The following PPFIA2 variants were observed in gnomAD, a reference collection of about 807,000 sequenced individuals.
PPFIA2 encodes PPFI scaffold protein A2.
A neutral mutation model predicts 175.5 loss-of-function variants in PPFIA2; 46 were observed. The ratio of observed to expected loss-of-function variants is 0.26; its 90% confidence interval spans 0.21 to 0.34. The LOEUF (loss-of-function observed/expected upper bound fraction) is 0.34, where lower values mean the gene tolerates loss of function less well. PPFIA2 is among the 10% of genes least tolerant of loss of function. PPFIA2 has a pLI of 1.00. For synonymous variants in PPFIA2, 568 were observed against 511.4 expected (o/e 1.11, Z -1.49); for missense variants, 1,179 against 1,506.1 (o/e 0.78, Z 3.60).
chr12:81,264,547 G>A (rs2036619825), intron 30 of PPFIA2, among the ~76,000 whole-genome samples: 1 of 151,996 alleles, frequency 6.6e-6, no homozygotes, highest in Admixed American at 6.6e-5. Context: ...TCTGGCATTT[G>A]GAATAATAAG....
At chr12:81,640,379 G>A (rs1013895009) in intron 4 of PPFIA2, among the ~76,000 whole-genome samples, 5 of 152,104 alleles carry the variant, frequency 3.3e-5, no homozygotes, top group African/African-American at 4.8e-5. Flanking sequence ...AACTCAGAAC[G>A]ACAAACAACA....
chr12:81,280,730 C>T (rs2041902596), intron 27 of PPFIA2, among the ~76,000 whole-genome samples: 1 of 151,850 alleles, frequency 6.6e-6, no homozygotes. Context: ...AGTTATCTAA[C>T]ACAGTATTGT....
At chr12:81,325,985 TC>T (rs1332874293) in intron 21 of PPFIA2, 115 bp from the exon 22 acceptor site, 2 of 688,224 alleles carry the variant, frequency 2.9e-6, no homozygotes, top group Non-Finnish European at 5.0e-6. Flanking sequence ...TTAAAAATTT[TC>T]CTTATATTAC....
chr12:81,409,304 T>C (rs2043483377), intron 7 of PPFIA2, among the ~76,000 whole-genome samples: 1 of 152,156 alleles, frequency 6.6e-6, no homozygotes, highest in African/African-American at 2.4e-5. Context: ...ATGGCCTACT[T>C]GCTATGGTTT....
At chr12:81,453,802 G>A (rs972574054) in intron 5 of PPFIA2, among the ~76,000 whole-genome samples, 1 of 152,138 alleles carries the variant, frequency 6.6e-6, no homozygotes, top group African/African-American at 2.4e-5. Context: ...TCAACGAGGT[G>A]TTTCTGTGGA....
chr12:81,363,979 A>G (rs937434698), intron 14 of PPFIA2, among the ~76,000 whole-genome samples: 5 of 151,906 alleles, frequency 3.3e-5, no homozygotes, highest in African/African-American at 1.2e-4. Context: ...GCAATTTAGA[A>G]TTTAGTAGAA....
chr12:81,519,814 A>G (rs1315500066), intron 4 of PPFIA2, among the ~76,000 whole-genome samples: 1 of 152,236 alleles, frequency 6.6e-6, no homozygotes, highest in Admixed American at 6.5e-5. Flanking sequence ...TTATCCATGG[A>G]GGAATACATT....
Position 81,754,027 on chromosome 12 carries a change from A to G in PPFIA2, c.195T>C (p.Asp65=). The G allele has an allele frequency of 6.2e-7, 1 of 1,613,954 alleles. No individual in the cohort carries two copies. The highest frequency in any genetic ancestry group is 8.5e-7 in the Non-Finnish European group (1 of 1,179,880). ...SLSLAQQRLQ[D]VIYDRDSLQR... ...GGAGTGAGTCTCGGTCATAGATGACATCCTGAAGTCTTTGCTGGGCAAGTG... is the reference window on the plus strand; with the variant it reads ...GGAGTGAGTCTCGGTCATAGATGACGTCCTGAAGTCTTTGCTGGGCAAGTG... Residue 65 remains aspartate (D), a synonymous_variant, in exon 3 of 33, where the codon GAT becomes GAC. Coordinates refer to ENST00000549396, the MANE Select transcript of PPFIA2 (RefSeq NM_003625.5).
intron 4 of PPFIA2, among the ~76,000 whole-genome samples, chr12:81,636,042 A>G (rs2063966738): frequency 6.6e-6 from 1 of 152,260 alleles, no homozygotes; most frequent in East Asian, 1.9e-4. Context: ...TTAGATTTCT[A>G]TGTTTTTTAA....
At chr12:81,438,482 A>C (rs1375369589) in intron 7 of PPFIA2, among the ~76,000 whole-genome samples, 6 of 152,020 alleles carry the variant, frequency 3.9e-5, no homozygotes, top group Admixed American at 3.3e-4. Flanking sequence ...AAAACAAAAA[A>C]CAAAACAAAA....
intron 15 of PPFIA2, among the ~76,000 whole-genome samples, chr12:81,360,376 T>A (rs2061430878): frequency 6.6e-6 from 1 of 151,882 alleles, no homozygotes; most frequent in Non-Finnish European, 1.5e-5. Flanking sequence ...TTGCATGTAA[T>A]CTCATTAAAG....
chr12:81,431,118 A>G (rs1044634492), intron 7 of PPFIA2: 1 of 152,206 alleles, frequency 6.6e-6, no homozygotes, highest in Non-Finnish European at 1.5e-5. Context: ...TTTTATGTAT[A>G]ATGTAATCAT....
At chr12:81,388,781 G>A (rs944209887) in intron 8 of PPFIA2, among the ~76,000 whole-genome samples, 1 of 151,944 alleles carries the variant, frequency 6.6e-6, no homozygotes, top group African/African-American at 2.4e-5. Flanking sequence ...TGAGACTCAG[G>A]TAATCACATA....
At chr12:81,412,877 C>A (rs569468872) in intron 7 of PPFIA2, among the ~76,000 whole-genome samples, 2 of 151,998 alleles carry the variant, frequency 1.3e-5, no homozygotes, top group East Asian at 3.9e-4. Flanking sequence ...TCTTTCTATT[C>A]ATATTGCGTG....
intron 4 of PPFIA2, among the ~76,000 whole-genome samples, chr12:81,622,381 C>G (rs183591859): frequency 2.5e-3 from 378 of 152,174 alleles, no homozygotes; most frequent in Non-Finnish European, 2.6e-3. Flanking sequence ...ATATAGCTTC[C>G]TAGAGTAAAA....
Position 81,265,291 on chromosome 12 carries a change from C to CCAA in PPFIA2, c.3555+1660_3555+1661insTTG, listed in dbSNP as rs1555194468. 1.4e-3 allele frequency among the ~76,000 whole-genome samples: 96 copies of CCAA among 69,960 alleles called. 3 individuals are homozygous for CCAA. Among genetic ancestry groups the CCAA allele is most frequent in the Admixed American group, 5.8e-3 (28 of 4,834 alleles). 45.9% of individuals were successfully genotyped at this position (69,960 alleles called of 152,430 possible). On this transcript the variant is annotated intron_variant, in intron 30 of 32. Coordinates refer to ENST00000549396, the MANE Select transcript of PPFIA2 (RefSeq NM_003625.5). ...CTGGGCAACAAGAGCGAAACTCTGT[C>CCAA]AAAAAAAAAAAAAAAAAAAAAAAAA... is the stretch of plus-strand genomic sequence containing the variant.
intron 4 of PPFIA2, among the ~76,000 whole-genome samples, chr12:81,632,244 AT>A (rs771776801): frequency 7.2e-5 from 11 of 151,872 alleles, no homozygotes; most frequent in East Asian, 3.9e-4. Context: ...CTACAGTTGT[AT>A]TTTTTTTATT....
intron 4 of PPFIA2, among the ~76,000 whole-genome samples, chr12:81,636,351 C>T (rs540479089): frequency 1.3e-5 from 2 of 148,576 alleles, no homozygotes; most frequent in East Asian, 2.0e-4. Flanking sequence ...CTGCAAGCTC[C>T]GCCTCCCGGG....
At chr12:81,324,903 T>C (rs1463196093) in intron 22 of PPFIA2, among the ~76,000 whole-genome samples, 2 of 151,958 alleles carry the variant, frequency 1.3e-5, no homozygotes, top group Non-Finnish European at 2.9e-5. Context: ...TTCCCTATTA[T>C]TAGTAAACAT....
Sources: gnomAD v4.1 joint callset for allele counts (sites outside exome capture counted in the v4.1 genomes callset) on GRCh38, gnomAD v4.1.1 for gene constraint, MANE v1.5 for transcripts, NCBI Gene and HGNC (gene_info 2026-07-23, HGNC 2026-07-21) for gene names.